Variants in RSPO2 observed in about 807,000 individuals in gnomAD.
The protein encoded by RSPO2 is R-spondin-2.
Under a neutral mutation model 30.9 loss-of-function variants are expected in RSPO2, and 14 were observed. The ratio of observed to expected loss-of-function variants is 0.45; its 90% CI spans 0.30 to 0.71. RSPO2 has a LOEUF of 0.71. RSPO2 is among the 30% of genes least tolerant of loss of function. The pLI is 0.08. For synonymous variants in RSPO2, 107 were observed against 96.4 expected, an observed-to-expected ratio of 1.11 and a Z score of -0.64; for missense variants, 264 against 301.9, an observed-to-expected ratio of 0.87 and a Z score of 0.93.
chr8:107,973,447 C>T (rs2130477745), intron 3 of RSPO2, among the ~76,000 whole-genome samples: 1 of 152,132 alleles, frequency 6.6e-6, no homozygotes, highest in Non-Finnish European at 1.5e-5. Context: ...AAAAAAGAAT[C>T]TCAGAACTCC....
At chr8:108,064,725 T>C (rs1258327862) in intron 2 of RSPO2, among the ~76,000 whole-genome samples, 2 of 152,180 alleles carry the variant, frequency 1.3e-5, no homozygotes, top group African/African-American at 4.8e-5. Flanking sequence ...CATGCACACG[T>C]ATGTTTATTG....
At chr8:107,949,165 T>C (rs575948426) in intron 5 of RSPO2, among the ~76,000 whole-genome samples, 4 of 152,144 alleles carry the variant, frequency 2.6e-5, no homozygotes, top group African/African-American at 9.6e-5. Flanking sequence ...CCTCACCCCC[T>C]TCCCCCCAAG....
chr8:107,962,331 T>TAG (rs1813654090), intron 3 of RSPO2, among the ~76,000 whole-genome samples: 1 of 152,216 alleles, frequency 6.6e-6, no homozygotes, highest in Admixed American at 6.5e-5. Flanking sequence ...TAACTGTGTC[T>TAG]AGACCTATTA....
intron 5 of RSPO2, among the ~76,000 whole-genome samples, chr8:107,948,672 A>C (rs1813142093): frequency 6.6e-6 from 1 of 152,104 alleles, no homozygotes; most frequent in Non-Finnish European, 1.5e-5. Context: ...ATCCTGGCTA[A>C]CACGGTGAAA....
At chr8:108,063,400 G>A (rs903908413) in intron 2 of RSPO2, among the ~76,000 whole-genome samples, 2 of 151,764 alleles carry the variant, frequency 1.3e-5, no homozygotes, top group Non-Finnish European at 2.9e-5. Context: ...GACAAAAAGA[G>A]AGCCAAATCA....
intron 3 of RSPO2, among the ~76,000 whole-genome samples, chr8:107,965,850 T>G (rs1813785630): frequency 6.6e-6 from 1 of 152,232 alleles, no homozygotes; most frequent in African/African-American, 2.4e-5. Context: ...GCAAATCATA[T>G]GGAAGAACCA....
intron 2 of RSPO2, among the ~76,000 whole-genome samples, chr8:108,080,585 C>G (rs561941729): frequency 1.3e-5 from 2 of 152,276 alleles, no homozygotes; most frequent in East Asian, 3.9e-4. Context: ...AGAGATGGCA[C>G]TGCAGAGAAG....
At chr8:107,926,027 TAA>T (rs1037301651) in intron 5 of RSPO2, among the ~76,000 whole-genome samples, 1 of 152,156 alleles carries the variant, frequency 6.6e-6, no homozygotes. Context: ...ACCAACAATG[TAA>T]AAGTGTTCCT....
chr8:107,977,431 C>T (rs549971827), intron 3 of RSPO2, among the ~76,000 whole-genome samples: 1 of 152,302 alleles, frequency 6.6e-6, no homozygotes, highest in South Asian at 2.1e-4. Context: ...TTCTGATGCA[C>T]ACTTTGAGAA....
At chr8:108,047,046 A>G (rs1563577744) in intron 2 of RSPO2, among the ~76,000 whole-genome samples, 3 of 152,216 alleles carry the variant, frequency 2.0e-5, no homozygotes, top group Non-Finnish European at 4.4e-5. Context: ...AGTCAGAAGC[A>G]GAAAGTAGCA....
At chr8:108,032,787 T>C (rs962001934) in intron 2 of RSPO2, among the ~76,000 whole-genome samples, 1 of 151,922 alleles carries the variant, frequency 6.6e-6, no homozygotes, top group African/African-American at 2.4e-5. Flanking sequence ...TATACCACTA[T>C]GTCTAGCTAA....
chr8:108,025,630 A>T (rs1052207392), intron 2 of RSPO2, among the ~76,000 whole-genome samples: 1 of 152,060 alleles, frequency 6.6e-6, no homozygotes, highest in Non-Finnish European at 1.5e-5. Flanking sequence ...GGCTCTAGCA[A>T]TCCTCCCACC....
intron 2 of RSPO2, among the ~76,000 whole-genome samples, chr8:108,030,119 GAAAAAAA>G (rs11434221): frequency 1.3e-4 from 9 of 70,996 alleles, no homozygotes; most frequent in South Asian, 7.2e-4. Context: ...GGATAGATAG[GAAAAAAA>G]AAAAAAAAAA....
intron 5 of RSPO2, among the ~76,000 whole-genome samples, chr8:107,955,739 CTT>C (rs1813410278): frequency 6.6e-6 from 1 of 152,140 alleles, no homozygotes; most frequent in South Asian, 2.1e-4. Flanking sequence ...TGACCTCTAA[CTT>C]ATGCCTTTCA....
chr8:107,990,265 C>G (rs1034577120), intron 2 of RSPO2, among the ~76,000 whole-genome samples: 2 of 151,944 alleles, frequency 1.3e-5, no homozygotes, highest in African/African-American at 4.8e-5. Flanking sequence ...AAAACAGAAA[C>G]GTTCCAATAC....
rs1269447694 is a variant in RSPO2 at position 107,901,358 on chromosome 8, TTTACTAAA to T, written c.617-176_617-169del. 4.0e-5 allele frequency among the ~76,000 whole-genome samples: 6 copies of T among 151,856 alleles called. No homozygotes were observed. The East Asian group carries it at 1.2e-3, about 29-fold the overall frequency. Reference sequence around the variant, plus strand: ...ATTAATTTTGACAGAATAATAATAATTTACTAAATTAGATATGCTGTCTAAAACAGAGA... The same window carrying T: ...ATTAATTTTGACAGAATAATAATAATTTAGATATGCTGTCTAAAACAGAGA... On this transcript the variant is annotated intron_variant, in intron 5 of 5. Coordinates refer to ENST00000276659, the MANE Select transcript of RSPO2 (RefSeq NM_178565.5).
At chr8:107,902,793 T>C (rs1298808141) in intron 5 of RSPO2, among the ~76,000 whole-genome samples, 1 of 151,134 alleles carries the variant, frequency 6.6e-6, no homozygotes, top group African/African-American at 2.4e-5. Flanking sequence ...TTTAAAAGAA[T>C]AACTTATGTT....
Position 108,079,042 on chromosome 8 carries a change from A to G in RSPO2, c.94+3503T>C, listed in dbSNP as rs116625611. On this transcript the variant is annotated intron_variant, in intron 2 of 5. Transcript: ENST00000276659. ...TGGCTTACAACCATTCCAAAAAATG[A>G]AAGTAATCAAAGAACTCCACTTAAC... Among the ~76,000 whole-genome samples, 1,352 of 152,318 alleles carry G rather than the reference A, an allele frequency of 8.9e-3. 36 individuals carry two copies. Among genetic ancestry groups the G allele is most frequent in the African/African-American group, 0.031 (1,286 of 41,566 alleles).
intron 5 of RSPO2, among the ~76,000 whole-genome samples, chr8:107,911,065 CT>C (rs1214155719): frequency 6.6e-6 from 1 of 152,156 alleles, no homozygotes; most frequent in African/African-American, 2.4e-5. Context: ...CAAAGCCATA[CT>C]TTGTCATCTA....
Sources: gnomAD v4.1 joint callset for allele counts (sites outside exome capture counted in the v4.1 genomes callset) on GRCh38, gnomAD v4.1.1 for gene constraint, MANE v1.5 for transcripts, NCBI Gene and HGNC (gene_info 2026-07-23, HGNC 2026-07-21) for gene names.